The following NEBL variants were observed in gnomAD, a reference collection of about 807,000 sequenced individuals.
The protein encoded by NEBL is LIM and SH3 protein 2.
In NEBL, 122 loss-of-function variants were observed where a neutral mutation model predicts 140.2. The ratio of observed to expected loss-of-function variants is 0.87; its 90% CI spans 0.75 to 1.01. The LOEUF (loss-of-function observed/expected upper bound fraction) is 1.01. Among genes scored for constraint, NEBL ranks in the 50% least tolerant of loss-of-function variants. The probability of loss-of-function intolerance (pLI) is 0.00; values close to 1 mark genes in which losing one functional copy is unlikely to be tolerated. For synonymous variants in NEBL, 436 were observed against 398.9 expected (o/e 1.09, Z -1.11); for missense variants, 1,365 against 1,231.3 (o/e 1.11, Z -1.62).
chr10:20,950,893 C>G (rs1835427370), intron 4 of NEBL, among the ~76,000 whole-genome samples: 1 of 152,128 alleles, frequency 6.6e-6, no homozygotes, highest in South Asian at 2.1e-4. Context: ...TACTCTCTTT[C>G]CTGGTTTGCT....
At chr10:20,849,377 G>T (rs1842282477) in intron 11 of NEBL, among the ~76,000 whole-genome samples, 1 of 152,142 alleles carries the variant, frequency 6.6e-6, no homozygotes, top group Non-Finnish European at 1.5e-5. Context: ...CGCCGCCTAT[G>T]CTTTGAATGT....
chr10:21,153,584 A>T (rs1047802066), intron 2 of NEBL, among the ~76,000 whole-genome samples: 1 of 151,958 alleles, frequency 6.6e-6, no homozygotes, highest in African/African-American at 2.4e-5. Flanking sequence ...GCTGAAGTAC[A>T]ATGATGCAAT....
chr10:20,893,782 G>C (rs1283875384), intron 2 of NEBL, among the ~76,000 whole-genome samples: 1 of 152,178 alleles, frequency 6.6e-6, no homozygotes, highest in Non-Finnish European at 1.5e-5. Flanking sequence ...GGCCAGGCAA[G>C]AGGGCAGAAA....
chr10:20,853,282 T>C (rs909524626), intron 9 of NEBL, among the ~76,000 whole-genome samples: 1 of 152,168 alleles, frequency 6.6e-6, no homozygotes, highest in Non-Finnish European at 1.5e-5. Context: ...AGGCTACTAT[T>C]TGGACATATA....
At chr10:21,052,430 C>T (rs745362502) in intron 2 of NEBL, among the ~76,000 whole-genome samples, 2 of 151,908 alleles carry the variant, frequency 1.3e-5, no homozygotes, top group African/African-American at 2.4e-5. Flanking sequence ...AATAAGACTC[C>T]GGAGAGCCTG....
At chr10:20,874,199 T>C (rs1303140342) in intron 5 of NEBL, among the ~76,000 whole-genome samples, 1 of 152,182 alleles carries the variant, frequency 6.6e-6, no homozygotes, top group Non-Finnish European at 1.5e-5. Context: ...CTAATCCCTT[T>C]GTAGTGGGCA....
intron 3 of NEBL, among the ~76,000 whole-genome samples, chr10:20,980,377 A>G (rs1157048948): frequency 6.8e-6 from 1 of 146,866 alleles, no homozygotes; most frequent in Non-Finnish European, 1.5e-5. Flanking sequence ...CAGAAACAAA[A>G]GAACCAGAAA....
rs141444491 is a variant in NEBL, at chr10:21,053,304, A to G, written c.165-33103T>C. Among the ~76,000 whole-genome samples, 80 of 152,254 alleles carry G rather than the reference A, an allele frequency of 5.3e-4. 1 individual carries two copies. The Middle Eastern group carries it at 0.01, about 19-fold the overall frequency. On this transcript the variant is annotated intron_variant, in intron 2 of 6. Coordinates refer to the NEBL transcript ENST00000417816. Reference sequence around the variant, plus strand: ...GTGTTAATTAAGTGATGTTAAGCAGACTTCTTGGCTATAATCCCACTTCCC... The same window carrying G: ...GTGTTAATTAAGTGATGTTAAGCAGGCTTCTTGGCTATAATCCCACTTCCC...
intron 3 of NEBL, among the ~76,000 whole-genome samples, chr10:21,237,392 A>T (rs1842370253): frequency 6.6e-6 from 1 of 151,940 alleles, no homozygotes; most frequent in Non-Finnish European, 1.5e-5. Context: ...TTTAGTAGAG[A>T]CGAGGTTTCA....
At chr10:20,859,865 TA>T in intron 7 of NEBL, 39 bp from the exon 8 acceptor site, 1 of 952,696 alleles carries the variant, frequency 1.0e-6, no homozygotes, top group Non-Finnish European at 1.7e-6. Flanking sequence ...ACTTTACATT[TA>T]AAAGTAACAC....
intron 1 of NEBL, among the ~76,000 whole-genome samples, chr10:21,292,146 CTTCAAAGAGGATAT>C (rs1187880196): frequency 1.3e-5 from 2 of 152,098 alleles, no homozygotes; most frequent in African/African-American, 4.8e-5. Context: ...TTCTTTTTCT[CTTCAAAGAGGATAT>C]TTCAAGGAAG....
chr10:21,121,350 C>A, intron 2 of NEBL, among the ~76,000 whole-genome samples: 1 of 152,046 alleles, frequency 6.6e-6, no homozygotes, highest in Non-Finnish European at 1.5e-5. Context: ...AAGGTTCAGT[C>A]CCTACCTCTT....
chr10:20,978,475 G>A (rs1241987894), intron 3 of NEBL, among the ~76,000 whole-genome samples: 1 of 152,008 alleles, frequency 6.6e-6, no homozygotes, highest in African/African-American at 2.4e-5. Context: ...ATTTAGAAAG[G>A]GCTGGGTGCA....
intron 2 of NEBL, among the ~76,000 whole-genome samples, chr10:21,144,683 T>C (rs995780354): frequency 1.3e-5 from 2 of 151,876 alleles, no homozygotes; most frequent in African/African-American, 2.4e-5. Flanking sequence ...GCCGAGATCA[T>C]GTCACTGCAC....
chr10:21,087,541 C>T (rs1169015541), intron 2 of NEBL, among the ~76,000 whole-genome samples: 3 of 152,168 alleles, frequency 2.0e-5, no homozygotes, highest in Admixed American at 2.0e-4. Context: ...TCACAATCCA[C>T]CTCTCCTAAT....
At chr10:21,142,508 CAAA>C (rs1007324636) in intron 2 of NEBL, among the ~76,000 whole-genome samples, 1 of 152,108 alleles carries the variant, frequency 6.6e-6, no homozygotes, top group African/African-American at 2.4e-5. Flanking sequence ...CTAAACAAGA[CAAA>C]GAAGTTTTCC....
chr10:21,026,299 C>T (rs1422250906), intron 2 of NEBL, among the ~76,000 whole-genome samples: 7 of 149,240 alleles, frequency 4.7e-5, no homozygotes, highest in Non-Finnish European at 1.0e-4. Context: ...GGTCAGGAGG[C>T]CAGAAATGAG....
intron 2 of NEBL, among the ~76,000 whole-genome samples, chr10:21,093,759 GA>G (rs1837033487): frequency 6.6e-6 from 1 of 152,132 alleles, no homozygotes; most frequent in Non-Finnish European, 1.5e-5. Context: ...ATTTTATCCT[GA>G]AAAATCTACT....
At chr10:21,050,221 T>C (rs1313427398) in intron 2 of NEBL, among the ~76,000 whole-genome samples, 5 of 152,366 alleles carry the variant, frequency 3.3e-5, no homozygotes, top group South Asian at 4.1e-4. Context: ...GATAAATTCT[T>C]ACTTTCTGAT....
Sources: gnomAD v4.1 joint callset for allele counts (sites outside exome capture counted in the v4.1 genomes callset) on GRCh38, gnomAD v4.1.1 for gene constraint, MANE v1.5 for transcripts, NCBI Gene and HGNC (gene_info 2026-07-23, HGNC 2026-07-21) for gene names.